PTPRM: variants seen among roughly 807,000 people sequenced by gnomAD.
PTPRM encodes protein tyrosine phosphatase receptor type M, also known as receptor-type tyrosine-protein phosphatase mu.
In PTPRM, 47 loss-of-function variants were observed where a neutral mutation model predicts 186.7. The observed-to-expected ratio is 0.25, with a 90% CI of 0.20 to 0.32. The LOEUF is 0.32. PTPRM is among the 10% of genes least tolerant of loss of function. PTPRM has a pLI of 1.00. For synonymous variants in PTPRM, 668 were observed against 674.9 expected (o/e 0.99, Z 0.16); for missense variants, 1,494 against 1,865.0 (o/e 0.80, Z 3.66).
intron 7 of PTPRM, among the ~76,000 whole-genome samples, chr18:8,044,380 T>G (rs2086885059): frequency 6.6e-6 from 1 of 152,092 alleles, no homozygotes; most frequent in Non-Finnish European, 1.5e-5. Flanking sequence ...CATCCCTAGG[T>G]GGGAGTGCAG....
chr18:7,733,888 T>C (rs1282425772), intron 1 of PTPRM, among the ~76,000 whole-genome samples: 1 of 152,158 alleles, frequency 6.6e-6, no homozygotes, highest in Non-Finnish European at 1.5e-5. Flanking sequence ...GCAGGTTCTC[T>C]TTTCTGCACA....
chr18:8,229,955 C>T (rs1352433160), intron 14 of PTPRM, among the ~76,000 whole-genome samples: 1 of 152,184 alleles, frequency 6.6e-6, no homozygotes, highest in Non-Finnish European at 1.5e-5. Context: ...TCACCAGTGA[C>T]TCATCGTGTG....
chr18:7,753,974 A>G (rs561328041), intron 1 of PTPRM, among the ~76,000 whole-genome samples: 44 of 152,182 alleles, frequency 2.9e-4, no homozygotes, highest in Admixed American at 1.6e-3. Flanking sequence ...TTTTGGCACC[A>G]GTAAAGTAAT....
At chr18:8,403,877 AC>A (rs2095886508) in intron 32 of PTPRM, 1 of 152,214 alleles carries the variant, frequency 6.6e-6, no homozygotes, top group African/African-American at 2.4e-5. Context: ...CAGTTCATCC[AC>A]GTTGTAACAT....
chr18:8,376,724 C>A, intron 26 of PTPRM, 127 bp downstream of exon 26: 2 of 1,148,628 alleles, frequency 1.7e-6, no homozygotes, highest in East Asian at 2.8e-5. Context: ...CTGGCATTCC[C>A]TGTTCCTTCC....
intron 2 of PTPRM, among the ~76,000 whole-genome samples, chr18:7,841,277 ATTTCTTTTTTT>A (rs1365149922): frequency 1.1e-4 from 9 of 84,680 alleles, no homozygotes; most frequent in African/African-American, 4.7e-4. Flanking sequence ...GGCTCAAATC[ATTTCTTTTTTT>A]TTTTTTTTTT....
intron 23 of PTPRM, among the ~76,000 whole-genome samples, chr18:8,347,791 C>A (rs116993456): frequency 6.6e-6 from 1 of 152,034 alleles, no homozygotes; most frequent in Admixed American, 6.6e-5. Flanking sequence ...CATTTCAGGT[C>A]TGGTAAGGTT....
intron 23 of PTPRM, among the ~76,000 whole-genome samples, chr18:8,345,758 G>A (rs910910593): frequency 3.3e-5 from 5 of 151,888 alleles, no homozygotes; most frequent in African/African-American, 1.2e-4. Flanking sequence ...TAAGAGGTTA[G>A]TATAACCTCA....
At chr18:7,594,593 G>A (rs182614264) in intron 1 of PTPRM, among the ~76,000 whole-genome samples, 1 of 152,260 alleles carries the variant, frequency 6.6e-6, no homozygotes, top group East Asian at 1.9e-4. Context: ...TTTTAAGCTC[G>A]CCTGCTGTCC....
chr18:8,249,145 G>C (rs565035525), intron 17 of PTPRM, among the ~76,000 whole-genome samples: 1 of 152,092 alleles, frequency 6.6e-6, no homozygotes, highest in Non-Finnish European at 1.5e-5. Flanking sequence ...TCAGTTGTTC[G>C]ACTTCTCCTT....
intron 1 of PTPRM, among the ~76,000 whole-genome samples, chr18:7,746,711 C>A (rs924461026): frequency 2.6e-5 from 4 of 152,172 alleles, no homozygotes; most frequent in African/African-American, 9.7e-5. Flanking sequence ...TGTGATCTTC[C>A]TGCCTTGACC....
chr18:8,192,955 G>C (rs2093728442), intron 14 of PTPRM, among the ~76,000 whole-genome samples: 1 of 152,112 alleles, frequency 6.6e-6, no homozygotes, highest in Non-Finnish European at 1.5e-5. Flanking sequence ...TTATGTCCTT[G>C]AGCTTGGATG....
At chr18:8,268,216 G>T (rs1046677272) in intron 19 of PTPRM, among the ~76,000 whole-genome samples, 2 of 152,056 alleles carry the variant, frequency 1.3e-5, no homozygotes, top group African/African-American at 2.4e-5. Context: ...CATTAATATG[G>T]TTTATGCCTC....
chr18:8,130,541 T>A (rs561371898), intron 13 of PTPRM, among the ~76,000 whole-genome samples: 1 of 152,312 alleles, frequency 6.6e-6, no homozygotes, highest in African/African-American at 2.4e-5. Context: ...TTAATAAAAA[T>A]GTCAAGCTTG....
At chr18:8,334,589 A>T (rs1016548498) in intron 22 of PTPRM, among the ~76,000 whole-genome samples, 4 of 152,244 alleles carry the variant, frequency 2.6e-5, no homozygotes, top group African/African-American at 9.6e-5. Context: ...TCCGCCAGCC[A>T]TTTGGATGCC....
At chr18:7,735,636 A>G (rs979175940) in intron 1 of PTPRM, among the ~76,000 whole-genome samples, 2 of 152,206 alleles carry the variant, frequency 1.3e-5, no homozygotes, top group Admixed American at 6.5e-5. Flanking sequence ...CTTTTCATCT[A>G]TAAAGAATGT....
intron 14 of PTPRM, among the ~76,000 whole-genome samples, chr18:8,202,204 C>T (rs917159022): frequency 5.9e-5 from 9 of 152,108 alleles, no homozygotes; most frequent in African/African-American, 1.9e-4. Context: ...AGATCTCATA[C>T]GAGTTATTTT....
intron 23 of PTPRM, among the ~76,000 whole-genome samples, chr18:8,347,451 A>G (rs1240676250): frequency 6.6e-6 from 1 of 152,206 alleles, no homozygotes; most frequent in Non-Finnish European, 1.5e-5. Context: ...GTGCTGTAAA[A>G]TTACTGCAGC....
At chr18:8,336,247 G>A (rs1002456633) in intron 22 of PTPRM, among the ~76,000 whole-genome samples, 6 of 151,984 alleles carry the variant, frequency 3.9e-5, no homozygotes, top group East Asian at 1.9e-4. Flanking sequence ...GAGATAGGTG[G>A]TTTTTCAAGT....
Sources: allele counts gnomAD v4.1 joint callset (sites outside exome capture counted in the v4.1 genomes callset), GRCh38; gene constraint gnomAD v4.1.1; transcripts MANE v1.5; gene names NCBI Gene and HGNC (gene_info 2026-07-23, HGNC 2026-07-21).